Variants in PTPRD observed in about 807,000 individuals in gnomAD.
PTPRD encodes protein tyrosine phosphatase receptor type D, also known as receptor-type tyrosine-protein phosphatase delta.
Under a neutral mutation model 214.5 loss-of-function variants are expected in PTPRD, and 34 were observed. That is an observed-to-expected ratio of 0.16 (90% confidence interval 0.12 to 0.21). PTPRD has a LOEUF of 0.21. Ranked by LOEUF, PTPRD falls within the 10% of genes least tolerant of loss-of-function variation. The pLI is 1.00. For missense variants in PTPRD, 2,545 were observed against 2,398.7 expected, an observed-to-expected ratio of 1.06 and a Z score of -1.27; for synonymous variants, 1,128 against 845.7, an observed-to-expected ratio of 1.33 and a Z score of -5.79.
rs192961146 is a variant in PTPRD at position 10,377,420 on chromosome 9, C to T, written c.-599-36403G>A. On this transcript the variant is annotated intron_variant, in intron 2 of 45. Coordinates refer to ENST00000381196, the MANE Select transcript of PTPRD (RefSeq NM_002839.4). ...CTCGTCATTTATATTAGGTATATCTCCTAATGCTATCCCTCCCCTCTCCCC... is the reference window on the plus strand; with the variant it reads ...CTCGTCATTTATATTAGGTATATCTTCTAATGCTATCCCTCCCCTCTCCCC... Among the ~76,000 whole-genome samples the T allele has an allele frequency of 4.2e-3, 639 of 152,032 alleles. 4 individuals carry two copies. The highest frequency in any genetic ancestry group is 6.0e-3 in the Non-Finnish European group (411 of 67,968).
chr9:10,152,698 G>T (rs540393252), intron 3 of PTPRD, among the ~76,000 whole-genome samples: 1 of 152,128 alleles, frequency 6.6e-6, no homozygotes, highest in African/African-American at 2.4e-5. Flanking sequence ...GGTGGCACAC[G>T]CCTGTAATCC....
chr9:8,715,326 C>A (rs2098419576), intron 12 of PTPRD, among the ~76,000 whole-genome samples: 1 of 152,154 alleles, frequency 6.6e-6, no homozygotes, highest in Non-Finnish European at 1.5e-5. Flanking sequence ...TTCTCACACC[C>A]ATTTCACAGA....
intron 3 of PTPRD, among the ~76,000 whole-genome samples, chr9:10,044,859 G>A (rs2097361060): frequency 6.6e-6 from 1 of 151,682 alleles, no homozygotes; most frequent in South Asian, 2.1e-4. Context: ...CATGGGCTCA[G>A]TATCCATTAC....
chr9:8,691,456 G>C (rs559313910), intron 12 of PTPRD, among the ~76,000 whole-genome samples: 1 of 149,974 alleles, frequency 6.7e-6, no homozygotes, highest in African/African-American at 2.5e-5. Context: ...TTTGAACAAG[G>C]GATAAAGAGA....
chr9:8,746,568 A>G (rs7869843), intron 11 of PTPRD, among the ~76,000 whole-genome samples: 10,816 of 152,316 alleles, frequency 0.071, 1,025 homozygotes, highest in African/African-American at 0.22. Context: ...GTTTAAAGTC[A>G]TTAAAAGCCT....
chr9:9,446,682 AAGAGCTTCTGTAC>A (rs1366119892), intron 8 of PTPRD, among the ~76,000 whole-genome samples: 1 of 152,206 alleles, frequency 6.6e-6, no homozygotes, highest in East Asian at 1.9e-4. Flanking sequence ...AATTAAACTA[AAGAGCTTCTGTAC>A]AGCAAAAGGA....
At chr9:8,804,493 G>C (rs1406807282) in intron 11 of PTPRD, among the ~76,000 whole-genome samples, 1 of 152,004 alleles carries the variant, frequency 6.6e-6, no homozygotes, top group African/African-American at 2.4e-5. Flanking sequence ...AATTACCTGG[G>C]AGGCTGGGAC....
intron 2 of PTPRD, among the ~76,000 whole-genome samples, chr9:10,481,598 T>C (rs2099098332): frequency 6.6e-6 from 1 of 152,160 alleles, no homozygotes; most frequent in South Asian, 2.1e-4. Context: ...ATATAGTTTT[T>C]GAATGCATAA....
chr9:9,215,985 A>G (rs1046005867), intron 9 of PTPRD, among the ~76,000 whole-genome samples: 3 of 152,152 alleles, frequency 2.0e-5, no homozygotes, highest in African/African-American at 4.8e-5. Flanking sequence ...CTCTGTGTTG[A>G]GTGTCACCTG....
At chr9:9,297,002 TTTAAG>T (rs1953318495) in intron 9 of PTPRD, among the ~76,000 whole-genome samples, 4 of 151,748 alleles carry the variant, frequency 2.6e-5, no homozygotes, top group African/African-American at 9.7e-5. Flanking sequence ...TCTCTGCACC[TTTAAG>T]CAGACTGACT....
At position 9,342,738 on chromosome 9, in the gene PTPRD, T is replaced by A. The variant is rs568330753; in HGVS notation, c.-203+54711A>T. On this transcript the variant is annotated intron_variant, in intron 9 of 45. Coordinates refer to ENST00000381196, the MANE Select transcript of PTPRD (RefSeq NM_002839.4). ...TTTTTTTTATTATTATACTTTAAGT[T>A]CTGGGATACATGTGCAGAACATGCA... 4.6e-5 allele frequency among the ~76,000 whole-genome samples: 7 copies of A among 152,062 alleles called. No homozygotes were observed. In the South Asian group the frequency reaches 8.3e-4, roughly 18 times the overall value.
intron 7 of PTPRD, among the ~76,000 whole-genome samples, chr9:9,580,143 C>A (rs1173641519): frequency 6.6e-6 from 1 of 152,002 alleles, no homozygotes; most frequent in East Asian, 1.9e-4. Flanking sequence ...CATAACTTTG[C>A]TATTGTGAAT....
At chr9:9,534,076 C>A (rs1439829758) in intron 8 of PTPRD, among the ~76,000 whole-genome samples, 2 of 152,016 alleles carry the variant, frequency 1.3e-5, no homozygotes, top group Admixed American at 6.6e-5. Flanking sequence ...CTTAAGCCAG[C>A]AGGATATTTA....
chr9:8,877,755 A>G (rs545523945), intron 11 of PTPRD, among the ~76,000 whole-genome samples: 5 of 152,322 alleles, frequency 3.3e-5, no homozygotes, highest in South Asian at 4.1e-4. Context: ...AGACAGGCCA[A>G]TAGACAAAGT....
At chr9:10,241,809 T>C (rs902554078) in intron 3 of PTPRD, among the ~76,000 whole-genome samples, 3 of 151,972 alleles carry the variant, frequency 2.0e-5, no homozygotes, top group Non-Finnish European at 4.4e-5. Context: ...CATATCCAAC[T>C]GTACACTTTA....
intron 12 of PTPRD, among the ~76,000 whole-genome samples, chr9:8,708,978 A>G (rs2098268946): frequency 6.6e-6 from 1 of 152,138 alleles, no homozygotes; most frequent in Admixed American, 6.5e-5. Flanking sequence ...CCATTATGGC[A>G]AGTGAAGTAA....
chr9:9,111,093 T>C (rs1478040228), intron 10 of PTPRD, among the ~76,000 whole-genome samples: 1 of 151,822 alleles, frequency 6.6e-6, no homozygotes, highest in Non-Finnish European at 1.5e-5. Context: ...TAAAGTGAGC[T>C]ATCTAGTTAT....
chr9:9,621,623 C>T (rs1320093264), intron 7 of PTPRD, among the ~76,000 whole-genome samples: 2 of 152,164 alleles, frequency 1.3e-5, no homozygotes. Flanking sequence ...CCCAAATAGG[C>T]ATTACCCTTC....
At chr9:8,653,428 G>C (rs1158498138) in intron 12 of PTPRD, among the ~76,000 whole-genome samples, 1 of 152,064 alleles carries the variant, frequency 6.6e-6, no homozygotes, top group Non-Finnish European at 1.5e-5. Context: ...TCAATATAAA[G>C]GTTCTGCCAT....
Sources: gnomAD v4.1 joint callset for allele counts (sites outside exome capture counted in the v4.1 genomes callset) on GRCh38, gnomAD v4.1.1 for gene constraint, MANE v1.5 for transcripts, NCBI Gene and HGNC (gene_info 2026-07-23, HGNC 2026-07-21) for gene names.